The following PKHD1L1 variants were observed in gnomAD, a reference collection of about 807,000 sequenced individuals.
The protein encoded by PKHD1L1 is PKHD1 like 1.
PKHD1L1 carries 434 observed loss-of-function variants against 462.9 expected under a neutral mutation model. That is an observed-to-expected ratio of 0.94 (90% CI 0.87 to 1.02). The LOEUF is 1.02. Ranked by LOEUF, PKHD1L1 falls within the 50% of genes least tolerant of loss-of-function variation. PKHD1L1 has a pLI of 0.00. For synonymous variants in PKHD1L1, 1,781 were observed against 1,750.0 expected (o/e 1.02, Z -0.44); for missense variants, 5,202 against 5,096.1 (o/e 1.02, Z -0.63).
intron 65 of PKHD1L1, 108 bp downstream of exon 65, chr8:109,497,380 C>G: frequency 7.7e-7 from 1 of 1,294,072 alleles, no homozygotes; most frequent in Non-Finnish European, 1.0e-6. Context: ...CTCTGTCTCG[C>G]CCACACCTCC....
chr8:109,417,275 G>A (rs917721049), intron 21 of PKHD1L1, among the ~76,000 whole-genome samples: 1 of 151,978 alleles, frequency 6.6e-6, no homozygotes, highest in Non-Finnish European at 1.5e-5. Flanking sequence ...TGATTATTAT[G>A]CATTGCATGG....
At chr8:109,389,687 C>T (rs1812619248) in intron 8 of PKHD1L1, among the ~76,000 whole-genome samples, 1 of 152,224 alleles carries the variant, frequency 6.6e-6, no homozygotes, top group South Asian at 2.1e-4. Flanking sequence ...ACCACCATGC[C>T]TGGCTAATTT....
intron 21 of PKHD1L1, among the ~76,000 whole-genome samples, chr8:109,416,711 C>T (rs1023688734): frequency 6.6e-6 from 1 of 152,078 alleles, no homozygotes; most frequent in Non-Finnish European, 1.5e-5. Context: ...TAGGCAGATG[C>T]AATACCAGAA....
intron 53 of PKHD1L1, among the ~76,000 whole-genome samples, chr8:109,477,863 T>C (rs1215102761): frequency 6.6e-6 from 1 of 152,214 alleles, no homozygotes; most frequent in Non-Finnish European, 1.5e-5. Flanking sequence ...TTCTTTCAAA[T>C]ATATTTTAAT....
intron 61 of PKHD1L1, among the ~76,000 whole-genome samples, chr8:109,491,487 T>C (rs1166259568): frequency 7.2e-5 from 11 of 151,874 alleles, no homozygotes; most frequent in Non-Finnish European, 1.5e-5. Context: ...TCCTCACTTA[T>C]CAATCACAAA....
intron 73 of PKHD1L1, among the ~76,000 whole-genome samples, chr8:109,520,746 G>T (rs1586661960): frequency 6.7e-6 from 1 of 149,258 alleles, no homozygotes; most frequent in African/African-American, 2.5e-5. Flanking sequence ...CTAGAAAGGG[G>T]TTACCTATGT....
intron 22 of PKHD1L1, 114 bp downstream of exon 22, chr8:109,419,374 A>T: frequency 2.8e-6 from 2 of 721,056 alleles, no homozygotes; most frequent in Non-Finnish European, 4.2e-6. Context: ...AATATTAATG[A>T]GTCACTCTTT....
At chr8:109,524,650 C>T (rs572820169) in intron 76 of PKHD1L1, among the ~76,000 whole-genome samples, 1 of 152,146 alleles carries the variant, frequency 6.6e-6, no homozygotes, top group Non-Finnish European at 1.5e-5. Context: ...ACTGTGGCAA[C>T]AAAATAATAA....
intron 41 of PKHD1L1, among the ~76,000 whole-genome samples, chr8:109,451,783 A>G (rs1816532220): frequency 6.6e-6 from 1 of 152,194 alleles, no homozygotes; most frequent in Non-Finnish European, 1.5e-5. Flanking sequence ...CATGATGAAA[A>G]TGTCACATGG....
intron 62 of PKHD1L1, 93 bp downstream of exon 62, chr8:109,492,087 C>A: frequency 2.9e-6 from 3 of 1,028,316 alleles, no homozygotes; most frequent in South Asian, 3.1e-5. Flanking sequence ...GGAGTGAATG[C>A]ACTTTTAAAA....
chr8:109,446,604 T>G (rs934584881), intron 38 of PKHD1L1, among the ~76,000 whole-genome samples: 3 of 152,228 alleles, frequency 2.0e-5, no homozygotes, highest in Non-Finnish European at 4.4e-5. Flanking sequence ...TCTTCTTTAA[T>G]ATGTCAAATT....
chr8:109,491,160 T>C lies in PKHD1L1; in HGVS notation c.10114+59T>C, dbSNP rs1818805814. On this transcript the variant is annotated intron_variant, in intron 61 of 77. Transcript: ENST00000378402. ...TCCTGTGGAGGCTTTCTTATCTATA[T>C]ACTCTAGAGCTACACTGCCCAATTG... 2.6e-6 allele frequency: 4 copies of C among 1,517,642 alleles called. No homozygotes were observed. The African/African-American group carries it at 5.5e-5, about 21-fold the overall frequency. The allele number at this position is 1,517,642 out of a possible 1,614,324, so 94.0% of individuals were successfully genotyped here.
In PKHD1L1 at chr8:109,531,249, T is replaced by C. The variant is rs1821033801; in HGVS notation, c.*1159T>C. The stretch of plus-strand genomic sequence containing the variant: ...AGAAAATGTATAAACACTTACCAGG[T>C]AGTAAAATCAAATATCTTGGTATAA... On this transcript the variant is annotated 3_prime_UTR_variant, in exon 78 of 78. Transcript: ENST00000378402. Among the ~76,000 whole-genome samples, 1 of 152,150 alleles carries C rather than the reference T, an allele frequency of 6.6e-6. No individual in the cohort carries two copies. The highest frequency in any genetic ancestry group is 1.5e-5 in the Non-Finnish European group (1 of 68,026).
At chr8:109,500,537 AAAC>A (rs55634946) in intron 67 of PKHD1L1, among the ~76,000 whole-genome samples, 16,000 of 131,940 alleles carry the variant, frequency 0.12, 1,175 homozygotes, top group South Asian at 0.36. Context: ...AAAAAAAAAA[AAAC>A]CTAGCTGGGC....
At chr8:109,363,195 G>A (rs561716082) in intron 1 of PKHD1L1, among the ~76,000 whole-genome samples, 2 of 152,312 alleles carry the variant, frequency 1.3e-5, no homozygotes, top group South Asian at 4.1e-4. Flanking sequence ...AGTTGTCTGT[G>A]GAGATAACAG....
At chr8:109,432,703 G>A (rs895477242) in intron 27 of PKHD1L1, among the ~76,000 whole-genome samples, 3 of 152,148 alleles carry the variant, frequency 2.0e-5, no homozygotes, top group African/African-American at 7.2e-5. Flanking sequence ...AATGGGAAGT[G>A]TCCATACCAC....
rs2131078075 is a variant in PKHD1L1, at chr8:109,536,327, TGTTCAAG to T, written c.*6240_*6246del. Among the ~76,000 whole-genome samples the T allele has an allele frequency of 6.6e-6, 1 of 152,362 alleles. No individual in the cohort carries two copies. Among genetic ancestry groups the T allele is most frequent in the East Asian group, 1.9e-4 (1 of 5,190 alleles). ...AGATGAGAAAACTGAGGCTTAAAGT[TGTTCAAG>T]GTCAAAGTCACGATGTCCATCATGC... On this transcript the variant is annotated 3_prime_UTR_variant, in exon 78 of 78. Coordinates refer to ENST00000378402, the MANE Select transcript of PKHD1L1 (RefSeq NM_177531.6).
chr8:109,362,658 C>G lies in PKHD1L1; in HGVS notation c.73+5C>G, dbSNP rs1325602682. ...GTGCCGCGGATCCCAGCACAGGTAA[C>G]CCTTTGGGCACGCTAGGCAGGCAAG... is the stretch of plus-strand genomic sequence containing the variant. On this transcript the variant is annotated splice_donor_5th_base_variant and intron_variant, in intron 1 of 77. Transcript: ENST00000378402. 1.9e-5 allele frequency: 30 copies of G among 1,597,292 alleles called. No individual in the cohort carries two copies. Among genetic ancestry groups the G allele is most frequent in the Non-Finnish European group, 2.0e-5 (24 of 1,171,918 alleles).
rs753635807 is a variant in PKHD1L1, at chr8:109,510,781, A to G, written c.11400A>G (p.Pro3800=). 6.2e-7 allele frequency: 1 copy of G among 1,612,644 alleles called. No homozygotes were observed. Among genetic ancestry groups the G allele is most frequent in the Non-Finnish European group, 8.5e-7 (1 of 1,179,162 alleles). The stretch of plus-strand genomic sequence containing the variant: ...TTTCATTTTGCATGGATTTAGGCCC[A>G]CAGGATCATGGCTGGTGTGCTGGAT... ...GNGYVDLING[P]QDHGWCAGYT... is the part of the protein sequence containing the mutation. Residue 3800 remains proline, a synonymous_variant, in exon 71 of 78, where the codon CCA becomes CCG. Transcript: ENST00000378402.
Sources: allele counts gnomAD v4.1 joint callset (sites outside exome capture counted in the v4.1 genomes callset), GRCh38; gene constraint gnomAD v4.1.1; transcripts MANE v1.5; gene names NCBI Gene and HGNC (gene_info 2026-07-23, HGNC 2026-07-21).